The following SERINC5 variants were observed in gnomAD, a reference collection of about 807,000 sequenced individuals.
SERINC5 encodes the protein chromosome 5 open reading frame 12.
SERINC5 carries 41 observed loss-of-function variants against 63.1 expected under a neutral mutation model. That is an observed-to-expected ratio of 0.65 (90% confidence interval 0.51 to 0.84). The LOEUF is 0.84. SERINC5 is among the 40% of genes least tolerant of loss of function. SERINC5 has a pLI of 0.00. For missense variants in SERINC5, 523 were observed against 573.0 expected, an observed-to-expected ratio of 0.91 and a Z score of 0.89; for synonymous variants, 222 against 215.2, an observed-to-expected ratio of 1.03 and a Z score of -0.28.
chr5:80,226,639 C>T (rs4704643), intron 1 of SERINC5, among the ~76,000 whole-genome samples: 92,659 of 152,016 alleles, frequency 0.61, 28,646 homozygotes, highest in African/African-American at 0.71. Context: ...ATGCTTTCTG[C>T]GAGAACACAG....
intron 1 of SERINC5, among the ~76,000 whole-genome samples, chr5:80,249,158 C>G (rs944569701): frequency 2.0e-5 from 3 of 151,896 alleles, no homozygotes; most frequent in Admixed American, 6.6e-5. Flanking sequence ...ACTAAAAATA[C>G]AAAAAAATTA....
intron 1 of SERINC5, among the ~76,000 whole-genome samples, chr5:80,233,577 T>C (rs563384105): frequency 1.3e-3 from 200 of 152,230 alleles, no homozygotes; most frequent in African/African-American, 4.7e-3. Context: ...CAATGCCACT[T>C]TAAGAATAAA....
At position 80,140,345 on chromosome 5, in the gene SERINC5, C is replaced by T. The variant is rs1375325175; in HGVS notation, c.*3318G>A. ...AAAAAAAAAAAAAGGCTTAGGGTGA[C>T]AATTTTGACATGGGGACAGGAAATT... is the stretch of plus-strand genomic sequence containing the variant. On this transcript the variant is annotated 3_prime_UTR_variant, in exon 12 of 12. Transcript: ENST00000507668. The T allele has an allele frequency of 1.3e-5, 9 of 704,394 alleles. No homozygotes were observed. The highest frequency in any genetic ancestry group is 2.2e-5 in the African/African-American group (1 of 46,106). 43.6% of individuals were successfully genotyped at this position (704,394 alleles called of 1,614,324 possible).
In SERINC5 at chr5:80,203,018, G is replaced by C. The variant is rs375192791; in HGVS notation, c.63C>G (p.Leu21=). The change falls in exon 2 of 12, where the codon CTC becomes CTG. Residue 21 remains leucine (L), a synonymous_variant. Coordinates refer to ENST00000507668, the MANE Select transcript of SERINC5 (RefSeq NM_001174072.3). ...ACCCGSAGCS[L]CCDCCPRIRQ... Reference sequence around the variant, plus strand: ...GAATCCTGGGGCAGCAATCACAGCAGAGAGAGCAGCCTGCAGACCCACAGC... The same window carrying C: ...GAATCCTGGGGCAGCAATCACAGCACAGAGAGCAGCCTGCAGACCCACAGC... 2 of 1,612,436 alleles carry C rather than the reference G, an allele frequency of 1.2e-6. No individual in the cohort carries two copies. Among genetic ancestry groups the C allele is most frequent in the African/African-American group, 2.7e-5 (2 of 74,882 alleles).
At chr5:80,128,270 C>T (rs915861308) in intron 11 of SERINC5, 1 of 152,116 alleles carries the variant, frequency 6.6e-6, no homozygotes, top group African/African-American at 2.4e-5. Context: ...GAATTTTTCT[C>T]CAGGGAGCCC....
At chr5:80,160,887 A>T (rs1746836200) in intron 7 of SERINC5, among the ~76,000 whole-genome samples, 1 of 151,670 alleles carries the variant, frequency 6.6e-6, no homozygotes, top group African/African-American at 2.4e-5. Flanking sequence ...TTATGGCTGA[A>T]TAGTATTCCA....
rs1391153004 is a variant in SERINC5 at position 80,116,694 on chromosome 5, T to C, written c.1239-3069A>G. ...GCCCAACCATATGTTCACTCGTTCA[T>C]TAACAAACATCCACAGAGGCAGGCT... On this transcript the variant is annotated intron_variant, in intron 11 of 12. Coordinates refer to the SERINC5 transcript ENST00000509193. 5.3e-5 allele frequency among the ~76,000 whole-genome samples: 8 copies of C among 152,134 alleles called. No homozygotes were observed. The South Asian group carries it at 8.3e-4, about 16-fold the overall frequency.
intron 8 of SERINC5, among the ~76,000 whole-genome samples, chr5:80,156,671 T>G (rs1290086003): frequency 1.3e-5 from 2 of 151,504 alleles, no homozygotes; most frequent in Admixed American, 6.6e-5. Flanking sequence ...TTAGACAGAT[T>G]TTTTTTTTAG....
At chr5:80,249,252 T>C (rs889818361) in intron 1 of SERINC5, among the ~76,000 whole-genome samples, 1 of 151,558 alleles carries the variant, frequency 6.6e-6, no homozygotes, top group African/African-American at 2.4e-5. Context: ...GAGGCGGAGC[T>C]TGCAGTGAGC....
chr5:80,205,098 G>A (rs755207595), intron 1 of SERINC5, among the ~76,000 whole-genome samples: 4 of 152,148 alleles, frequency 2.6e-5, no homozygotes, highest in Non-Finnish European at 5.9e-5. Flanking sequence ...ACACATGCCC[G>A]TGTCTGCACT....
chr5:80,130,094 T>C lies in SERINC5; in HGVS notation c.1238+15996A>G, dbSNP rs1744881989. 2.0e-5 allele frequency among the ~76,000 whole-genome samples: 3 copies of C among 152,304 alleles called. No individual in the cohort carries two copies. The South Asian group carries it at 6.2e-4, about 32-fold the overall frequency. On this transcript the variant is annotated intron_variant, in intron 11 of 12. Coordinates refer to the SERINC5 transcript ENST00000509193. The stretch of plus-strand genomic sequence containing the variant: ...ATATTCTTATTGGTTTATAAGAGCA[T>C]TTTAGCCGGACTTGGTGGCTCATGC...
chr5:80,114,718 G>A (rs1464882653), intron 11 of SERINC5: 1 of 150,848 alleles, frequency 6.6e-6, no homozygotes, highest in Non-Finnish European at 1.5e-5. Context: ...GAACAGCATT[G>A]GGGAAACCGC....
chr5:80,128,599 G>A (rs189387262), intron 11 of SERINC5, among the ~76,000 whole-genome samples: 16 of 152,292 alleles, frequency 1.1e-4, no homozygotes, highest in African/African-American at 2.9e-4. Context: ...TGGGGAGAGA[G>A]GGGAGATCTG....
intron 1 of SERINC5, among the ~76,000 whole-genome samples, chr5:80,236,934 C>T (rs925546294): frequency 3.9e-5 from 6 of 152,068 alleles, no homozygotes; most frequent in Non-Finnish European, 7.3e-5. Context: ...ACTGAAACCT[C>T]CATTTCCCAG....
At chr5:80,216,187 T>G (rs1209621771) in intron 1 of SERINC5, among the ~76,000 whole-genome samples, 1 of 152,148 alleles carries the variant, frequency 6.6e-6, no homozygotes, top group Non-Finnish European at 1.5e-5. Flanking sequence ...CACTATTGAC[T>G]GGGGGCCAGA....
intron 11 of SERINC5, among the ~76,000 whole-genome samples, chr5:80,144,293 C>T (rs527585676): frequency 2.4e-4 from 37 of 152,310 alleles, no homozygotes; most frequent in Non-Finnish European, 4.9e-4. Flanking sequence ...TTTTGATTAT[C>T]ACCAATGATG....
intron 11 of SERINC5, among the ~76,000 whole-genome samples, chr5:80,122,212 T>TATATATATATATATAA (rs777568982): frequency 0.085 from 12,055 of 142,146 alleles, 768 homozygotes; most frequent in South Asian, 0.12. Flanking sequence ...TATATATATA[T>TATATATATATATATAA]AATATGAGTT....
intron 1 of SERINC5, among the ~76,000 whole-genome samples, chr5:80,244,979 G>A (rs1316174437): frequency 6.6e-6 from 1 of 152,074 alleles, no homozygotes; most frequent in Non-Finnish European, 1.5e-5. Flanking sequence ...AAATCCACAG[G>A]CACTGATCTT....
chr5:80,141,873 G>A lies in SERINC5; in HGVS notation c.*1790C>T. 1.0e-6 allele frequency: 1 copy of A among 985,384 alleles called. No individual in the cohort carries two copies. The highest frequency in any genetic ancestry group is 1.2e-6 in the Non-Finnish European group (1 of 829,900). 61.0% of individuals were successfully genotyped at this position (985,384 alleles called of 1,614,324 possible). ...CACAGATGGAGTGCCTTTTGAAACTGAATCTCAAACACTCTAAGTAGGGAA... is the reference window on the plus strand; with the variant it reads ...CACAGATGGAGTGCCTTTTGAAACTAAATCTCAAACACTCTAAGTAGGGAA... On this transcript the variant is annotated 3_prime_UTR_variant, in exon 12 of 12. Transcript: ENST00000507668.
Sources: allele counts gnomAD v4.1 joint callset (sites outside exome capture counted in the v4.1 genomes callset), GRCh38; gene constraint gnomAD v4.1.1; transcripts MANE v1.5; gene names NCBI Gene and HGNC (gene_info 2026-07-23, HGNC 2026-07-21).